The following SLC39A11 variants were observed in gnomAD, a reference collection of about 807,000 sequenced individuals.
The protein encoded by SLC39A11 is zinc transporter ZIP11.
Under a neutral mutation model 36.1 loss-of-function variants are expected in SLC39A11, and 33 were observed. The ratio of observed to expected loss-of-function variants is 0.91; its 90% CI spans 0.69 to 1.22. The LOEUF is 1.22. SLC39A11 is among the 50% of genes most tolerant of loss of function. The pLI is 0.00. For missense variants in SLC39A11, 432 were observed against 430.3 expected (o/e 1.00, Z -0.03); for synonymous variants, 166 against 170.3 (o/e 0.97, Z 0.20).
chr17:72,934,492 C>G (rs1349807084), intron 5 of SLC39A11, among the ~76,000 whole-genome samples: 1 of 152,062 alleles, frequency 6.6e-6, no homozygotes, highest in African/African-American at 2.4e-5. Flanking sequence ...ATGGTGAAAC[C>G]CCGTCTCTAC....
chr17:72,772,781 G>C (rs909426948), intron 6 of SLC39A11, among the ~76,000 whole-genome samples: 2 of 152,040 alleles, frequency 1.3e-5, no homozygotes, highest in African/African-American at 4.8e-5. Flanking sequence ...AGAAGGGAGA[G>C]AGGAAAGAGA....
At chr17:72,814,367 A>G (rs964736544) in intron 6 of SLC39A11, among the ~76,000 whole-genome samples, 1 of 152,174 alleles carries the variant, frequency 6.6e-6, no homozygotes, top group African/African-American at 2.4e-5. Context: ...GAGAGACAAG[A>G]ACGACCATAC....
chr17:73,084,118 T>C (rs2144803140), intron 3 of SLC39A11, among the ~76,000 whole-genome samples: 1 of 152,272 alleles, frequency 6.6e-6, no homozygotes, highest in East Asian at 1.9e-4. Flanking sequence ...TACAGGCTTC[T>C]ATCCACAATT....
At chr17:73,089,771 G>C (rs1198567669) in intron 1 of SLC39A11, 1 of 152,202 alleles carries the variant, frequency 6.6e-6, no homozygotes, top group African/African-American at 2.4e-5. Flanking sequence ...ATGTCCCCTG[G>C]TCAACTCAGC....
intron 3 of SLC39A11, among the ~76,000 whole-genome samples, chr17:73,081,668 C>CATATATGTATATATGTATGT (rs1568242880): frequency 4.6e-5 from 3 of 64,984 alleles, no homozygotes; most frequent in East Asian, 4.5e-4. Context: ...CACACACACA[C>CATATATGTATATATGTATGT]ACATATATAT....
intron 4 of SLC39A11, among the ~76,000 whole-genome samples, chr17:72,995,848 A>G (rs985370127): frequency 2.0e-5 from 3 of 152,140 alleles, no homozygotes; most frequent in African/African-American, 7.2e-5. Flanking sequence ...TTCTTTAATA[A>G]ATCCTCCCCC....
intron 6 of SLC39A11, among the ~76,000 whole-genome samples, chr17:72,745,485 T>G (rs1389836760): frequency 6.6e-6 from 1 of 152,186 alleles, no homozygotes; most frequent in Non-Finnish European, 1.5e-5. Context: ...GACCCAGACC[T>G]CATGGAAGCT....
chr17:73,044,891 A>G (rs1267914780), intron 3 of SLC39A11, among the ~76,000 whole-genome samples: 1 of 151,842 alleles, frequency 6.6e-6, no homozygotes, highest in Non-Finnish European at 1.5e-5. Context: ...AAAAAAAAAA[A>G]AAAAAGAAAA....
At chr17:72,793,354 T>C (rs2076780292) in intron 6 of SLC39A11, among the ~76,000 whole-genome samples, 1 of 152,134 alleles carries the variant, frequency 6.6e-6, no homozygotes, top group African/African-American at 2.4e-5. Context: ...GAAAGCATTC[T>C]CCAGTTAGCC....
chr17:72,818,317 A>C (rs1414131966), intron 6 of SLC39A11, among the ~76,000 whole-genome samples: 1 of 152,162 alleles, frequency 6.6e-6, no homozygotes, highest in Non-Finnish European at 1.5e-5. Flanking sequence ...TGAAAGCCCC[A>C]GGCTGTGGCA....
chr17:73,044,488 T>C (rs1263959453), intron 3 of SLC39A11, among the ~76,000 whole-genome samples: 1 of 152,206 alleles, frequency 6.6e-6, no homozygotes, highest in Non-Finnish European at 1.5e-5. Context: ...CACAAGGGTA[T>C]GCAAAACTAC....
At chr17:72,751,476 T>C (rs1172466354) in intron 6 of SLC39A11, among the ~76,000 whole-genome samples, 1 of 152,220 alleles carries the variant, frequency 6.6e-6, no homozygotes, top group Non-Finnish European at 1.5e-5. Context: ...AAAATGTGAA[T>C]GAATAACATG....
At chr17:72,702,371 A>C (rs1255087840) in intron 7 of SLC39A11, among the ~76,000 whole-genome samples, 9 of 152,168 alleles carry the variant, frequency 5.9e-5, no homozygotes, top group Admixed American at 5.2e-4. Flanking sequence ...CCTAGGGAAC[A>C]GTGGGCAATG....
At chr17:72,989,330 G>T (rs2088996327) in intron 4 of SLC39A11, among the ~76,000 whole-genome samples, 1 of 152,144 alleles carries the variant, frequency 6.6e-6, no homozygotes, top group African/African-American at 2.4e-5. Flanking sequence ...TCCTTTAATT[G>T]TTTGATCCTT....
chr17:72,766,980 A>G (rs570535507), intron 6 of SLC39A11, among the ~76,000 whole-genome samples: 1 of 152,200 alleles, frequency 6.6e-6, no homozygotes, highest in East Asian at 1.9e-4. Context: ...CCCTCCGACC[A>G]GAGACATTCC....
intron 5 of SLC39A11, among the ~76,000 whole-genome samples, chr17:72,934,064 A>T (rs572564652): frequency 6.6e-6 from 1 of 152,252 alleles, no homozygotes; most frequent in African/African-American, 2.4e-5. Context: ...ACTCTACCTG[A>T]CACCATATTT....
intron 5 of SLC39A11, among the ~76,000 whole-genome samples, chr17:72,924,361 CA>C (rs1417934432): frequency 6.6e-6 from 1 of 151,904 alleles, no homozygotes; most frequent in Non-Finnish European, 1.5e-5. Flanking sequence ...CTGATAAGCT[CA>C]AAGTGGCCTG....
At chr17:72,715,162 G>C (rs60180801) in intron 7 of SLC39A11, among the ~76,000 whole-genome samples, 1 of 152,078 alleles carries the variant, frequency 6.6e-6, no homozygotes, top group Non-Finnish European at 1.5e-5. Context: ...GGGAGCCCGC[G>C]AGAGGCTCTC....
chr17:72,713,193 G>T (rs1408208771), intron 7 of SLC39A11, among the ~76,000 whole-genome samples: 1 of 152,156 alleles, frequency 6.6e-6, no homozygotes, highest in Non-Finnish European at 1.5e-5. Context: ...TGGATCCACA[G>T]ACCAGGTTTG....
Sources: allele counts gnomAD v4.1 joint callset (sites outside exome capture counted in the v4.1 genomes callset), GRCh38; gene constraint gnomAD v4.1.1; transcripts MANE v1.5; gene names NCBI Gene and HGNC (gene_info 2026-07-23, HGNC 2026-07-21).